UBE3A: variants seen among roughly 807,000 people sequenced by gnomAD.
UBE3A encodes the protein ubiquitin protein ligase E3A, also known as ubiquitin-protein ligase E3A.
UBE3A carries 6 observed loss-of-function variants against 83.4 expected under a neutral mutation model. The ratio of observed to expected loss-of-function variants is 0.07; its 90% CI spans 0.04 to 0.14. The LOEUF is 0.14. Ranked by LOEUF, UBE3A falls within the 10% of genes least tolerant of loss-of-function variation. UBE3A has a pLI of 1.00. For missense variants in UBE3A, 456 were observed against 1,036.1 expected, an observed-to-expected ratio of 0.44 and a Z score of 7.69; for synonymous variants, 337 against 355.4, an observed-to-expected ratio of 0.95 and a Z score of 0.58.
intron 4 of UBE3A, among the ~76,000 whole-genome samples, chr15:25,390,513 G>A (rs1220975363): frequency 6.6e-6 from 1 of 152,112 alleles, no homozygotes; most frequent in Non-Finnish European, 1.5e-5. Flanking sequence ...ATATTAGTAA[G>A]TAAAAATAGT....
chr15:25,418,444 A>G (rs1426127294), intron 1 of UBE3A: 1 of 152,200 alleles, frequency 6.6e-6, no homozygotes, highest in African/African-American at 2.4e-5. Context: ...AAACCACCGA[A>G]ACATTCAACA....
intron 1 of UBE3A, among the ~76,000 whole-genome samples, chr15:25,433,281 T>G (rs1210831775): frequency 6.6e-6 from 1 of 152,018 alleles, no homozygotes; most frequent in East Asian, 1.9e-4. Context: ...CCTCCCGTGT[T>G]CAAGCGTTTC....
intron 4 of UBE3A, among the ~76,000 whole-genome samples, chr15:25,391,424 C>T (rs962846903): frequency 6.6e-6 from 1 of 152,222 alleles, no homozygotes; most frequent in Non-Finnish European, 1.5e-5. Context: ...TGCTGCACAA[C>T]AATGTGCACA....
chr15:25,345,587 C>CACAA (rs2075555030), intron 11 of UBE3A: 1 of 151,822 alleles, frequency 6.6e-6, no homozygotes. Context: ...CACACACACA[C>CACAA]ACAAATAAAT....
intron 11 of UBE3A, among the ~76,000 whole-genome samples, chr15:25,348,544 A>C (rs1157986386): frequency 6.6e-6 from 1 of 152,206 alleles, no homozygotes; most frequent in Non-Finnish European, 1.5e-5. Context: ...ACCTGTCTTG[A>C]TTTGTAGATG....
chr15:25,420,062 GC>G (rs1490718526), intron 1 of UBE3A, among the ~76,000 whole-genome samples: 1 of 151,938 alleles, frequency 6.6e-6, no homozygotes, highest in African/African-American at 2.4e-5. Context: ...TAATCAAAAA[GC>G]AACGATCGTA....
chr15:25,382,470 T>C (rs2082351639), intron 4 of UBE3A, among the ~76,000 whole-genome samples: 1 of 151,858 alleles, frequency 6.6e-6, no homozygotes, highest in South Asian at 2.1e-4. Context: ...TTTTACAGTG[T>C]CATATTTCAC....
intron 6 of UBE3A, among the ~76,000 whole-genome samples, chr15:25,362,817 T>TA (rs1012484894): frequency 2.6e-5 from 4 of 152,186 alleles, no homozygotes; most frequent in Admixed American, 6.5e-5. Flanking sequence ...GGCTAGGTGT[T>TA]AAAGATGTAA....
intron 11 of UBE3A, 21 bp from the exon 12 acceptor site, chr15:25,340,249 A>G (rs1356402736): frequency 1.9e-6 from 3 of 1,609,782 alleles, no homozygotes; most frequent in South Asian, 2.2e-5. Flanking sequence ...AAAATACAAT[A>G]CTGGTTTCAG....
intron 4 of UBE3A, among the ~76,000 whole-genome samples, chr15:25,401,060 T>C (rs1222095587): frequency 6.6e-6 from 1 of 152,190 alleles, no homozygotes; most frequent in East Asian, 1.9e-4. Flanking sequence ...AATTATCTAT[T>C]GAAATGATAA....
rs574447903 is a variant in UBE3A at position 25,338,882 on chromosome 15, G to A, written c.*255C>T. 1.0e-5 allele frequency: 2 copies of A among 192,954 alleles called. No homozygotes were observed. Among genetic ancestry groups the A allele is most frequent in the South Asian group, 3.2e-4 (2 of 6,348 alleles). The allele number at this position is 192,954 out of a possible 1,614,324, so 12.0% of individuals were successfully genotyped here. On this transcript the variant is annotated 3_prime_UTR_variant, in exon 13 of 13. Coordinates refer to ENST00000648336, the MANE Select transcript of UBE3A (RefSeq NM_130839.5). ...GTGAAAGAATATGTAACACTTTCAC[G>A]CAAAAAAATAATTATAATAATAATA...
intron 4 of UBE3A, among the ~76,000 whole-genome samples, chr15:25,386,538 C>T (rs917505870): frequency 6.6e-6 from 1 of 151,850 alleles, no homozygotes; most frequent in African/African-American, 2.4e-5. Context: ...AAACAAAAAA[C>T]AGAACACTGT....
intron 1 of UBE3A, among the ~76,000 whole-genome samples, chr15:25,420,117 AG>A (rs1443353875): frequency 6.6e-6 from 1 of 150,388 alleles, no homozygotes; most frequent in Non-Finnish European, 1.5e-5. Context: ...GCTATCTAAA[AG>A]AAAGACATTA....
At chr15:25,354,255 G>T in intron 11 of UBE3A, 98 bp downstream of exon 11, 2 of 1,033,966 alleles carry the variant, frequency 1.9e-6, no homozygotes, top group Non-Finnish European at 3.0e-6. Context: ...TTGTGAGTTT[G>T]CTTATTTGGG....
chr15:25,346,438 A>G (rs1264159005), intron 11 of UBE3A: 1 of 149,344 alleles, frequency 6.7e-6, no homozygotes, highest in Non-Finnish European at 1.5e-5. Flanking sequence ...AAATTTTTAA[A>G]AAGTACAGAG....
chr15:25,387,246 G>A (rs1302089549), intron 4 of UBE3A, among the ~76,000 whole-genome samples: 5 of 152,240 alleles, frequency 3.3e-5, no homozygotes, highest in Non-Finnish European at 7.3e-5. Context: ...TCTAGGCCGG[G>A]CGCTGTGGCT....
At chr15:25,401,025 T>A (rs1284229099) in intron 4 of UBE3A, among the ~76,000 whole-genome samples, 1 of 152,222 alleles carries the variant, frequency 6.6e-6, no homozygotes, top group African/African-American at 2.4e-5. Flanking sequence ...CTGAATTCTG[T>A]CAAATGCTTT....
At chr15:25,430,360 T>C (rs923168855) in intron 1 of UBE3A, among the ~76,000 whole-genome samples, 2 of 136,248 alleles carry the variant, frequency 1.5e-5, no homozygotes, top group Admixed American at 1.6e-4. Flanking sequence ...ATAAATACTA[T>C]TGTAGCAGGG....
chr15:25,365,746 TAAAAA>T (rs36057934), intron 6 of UBE3A, among the ~76,000 whole-genome samples: 1 of 109,446 alleles, frequency 9.1e-6, no homozygotes. Context: ...AGACTCCGTC[TAAAAA>T]AAAAAAAAAA....
Sources: allele counts gnomAD v4.1 joint callset (sites outside exome capture counted in the v4.1 genomes callset), GRCh38; gene constraint gnomAD v4.1.1; transcripts MANE v1.5; gene names NCBI Gene and HGNC (gene_info 2026-07-23, HGNC 2026-07-21).